Variants in TNK2 observed in about 807,000 individuals in gnomAD.
The protein encoded by TNK2 is tyrosine kinase non receptor 2.
TNK2 carries 83 observed loss-of-function variants against 101.8 expected under a neutral mutation model. The observed-to-expected ratio is 0.82, with a 90% CI of 0.68 to 0.98. The LOEUF is 0.98. TNK2 is among the 50% of genes least tolerant of loss of function. The pLI is 0.00. For missense variants in TNK2, 1,665 were observed against 1,483.2 expected (o/e 1.12, Z -2.01); for synonymous variants, 804 against 633.0 (o/e 1.27, Z -4.06).
At chr3:195,903,191 C>T (rs1317724729) in intron 1 of TNK2, among the ~76,000 whole-genome samples, 1 of 152,110 alleles carries the variant, frequency 6.6e-6, no homozygotes, top group Non-Finnish European at 1.5e-5. Flanking sequence ...CAGGCATGTG[C>T]CACCACACCC....
chr3:195,876,491 C>A, intron 9 of TNK2: 1 of 456,854 alleles, frequency 2.2e-6, no homozygotes, highest in Non-Finnish European at 4.4e-6. Context: ...GCCAAACAAA[C>A]ATGGAGATAT....
At chr3:195,881,535 C>G (rs1350942152) in intron 6 of TNK2, among the ~76,000 whole-genome samples, 1 of 83,692 alleles carries the variant, frequency 1.2e-5, no homozygotes, top group Non-Finnish European at 2.3e-5. Flanking sequence ...CCCTGTAACA[C>G]CCCCCCCAGC....
intron 1 of TNK2, among the ~76,000 whole-genome samples, chr3:195,889,448 A>C (rs1757464645): frequency 6.6e-6 from 1 of 152,122 alleles, no homozygotes; most frequent in Non-Finnish European, 1.5e-5. Flanking sequence ...CCCCAGCTGC[A>C]CAGCCACCCG....
In TNK2 at chr3:195,885,508, T is replaced by G; in HGVS notation, c.235-475A>C. ...TGGCCTGACCATTTGGTGCTGTCTG[T>G]CTCCACCCTCACCAGGGAGTCGGCT... On this transcript the variant is annotated intron_variant, in intron 3 of 15. Coordinates refer to ENST00000672887, the MANE Select transcript of TNK2 (RefSeq NM_001382273.1). This position sits in a 1 kb window ranked among gnomAD's most constrained non-coding sequence, Gnocchi z 4.7. 2 of 1,294,530 alleles carry G rather than the reference T, an allele frequency of 1.5e-6. No homozygotes were observed. The highest frequency in any genetic ancestry group is 2.0e-6 in the Non-Finnish European group (2 of 992,242). The allele number at this position is 1,294,530 out of a possible 1,614,324, so 80.2% of individuals were successfully genotyped here. A position where few individuals can be genotyped will look rare whatever the true frequency, so the allele number is the denominator to read the frequency against.
At position 195,870,034 on chromosome 3, in the gene TNK2, C is replaced by T. The variant is rs756009630; in HGVS notation, c.1543+80G>A. On this transcript the variant is annotated intron_variant, in intron 11 of 15. Transcript: ENST00000672887. ...CTGTCCCCAAAAACAGAACAGCAGCCTTAGGGTGGCCTGTGAAGACAGTGC... is the reference window on the plus strand; with the variant it reads ...CTGTCCCCAAAAACAGAACAGCAGCTTTAGGGTGGCCTGTGAAGACAGTGC... The T allele has an allele frequency of 9.7e-6, 11 of 1,134,352 alleles. No homozygotes were observed. In the Admixed American group the frequency reaches 2.7e-4, roughly 27 times the overall value. 70.3% of individuals were successfully genotyped at this position (1,134,352 alleles called of 1,614,324 possible).
Position 195,867,666 on chromosome 3 carries a change from G to T in TNK2, c.2632C>A (p.Pro878Thr). The part of the protein sequence containing the change: ...KVSSTHYYLL[P>T]ERPSYLERYQ... ...CGCTCCAGGTAGGATGGTCGCTCGG[G>T]CAGCAAGTAATAGTGGGTGCTGCTG... The change falls in exon 13 of 16, where the codon CCC (proline) becomes ACC (threonine). Residue 878 changes from proline (P) to threonine (T), a missense_variant. Transcript: ENST00000672887. 1.2e-6 allele frequency: 2 copies of T among 1,606,598 alleles called. No homozygotes were observed. Among genetic ancestry groups the T allele is most frequent in the South Asian group, 1.1e-5 (1 of 91,014 alleles).
In TNK2 at chr3:195,867,205, G is replaced by A. The variant is rs745414895; in HGVS notation, c.2997C>T (p.His999=). 12 of 1,612,946 alleles carry A rather than the reference G, an allele frequency of 7.4e-6. 1 individual carries two copies. Among genetic ancestry groups the A allele is most frequent in the Admixed American group, 3.3e-5 (2 of 60,004 alleles). Residue 999 remains histidine (H), a synonymous_variant, in exon 14 of 16, where the codon CAC becomes CAT. Coordinates refer to ENST00000672887, the MANE Select transcript of TNK2 (RefSeq NM_001382273.1). Reference sequence around the variant, plus strand: ...GGGCAGCCCTCTGCACGCTCCAGCCGTGGCACTGCAGGGCCGCCTGGCACT... The same window carrying A: ...GGGCAGCCCTCTGCACGCTCCAGCCATGGCACTGCAGGGCCGCCTGGCACT... The part of the protein sequence containing the change: ...TEECQAALQC[H]GWSVQRAAQY...
Position 195,866,912 on chromosome 3 carries a change from G to A in TNK2, c.3138C>T (p.Gly1046=). ...NLEQAGCHLL[G]SWGPAHHKR ...ACTTGTGGTGGGCAGGGCCCCAGGA[G>A]CCCAGAAGGTGGCAGCCGGCCTGCT... Residue 1046 remains glycine, a synonymous_variant, in exon 15 of 16, where the codon GGC becomes GGT. Transcript: ENST00000672887. 1.9e-6 allele frequency: 3 copies of A among 1,611,636 alleles called. No homozygotes were observed.
chr3:195,867,523 C>T lies in TNK2; in HGVS notation c.2775G>A (p.Arg925=). The T allele has an allele frequency of 1.9e-6, 3 of 1,549,058 alleles. No individual in the cohort carries two copies. The highest frequency in any genetic ancestry group is 2.3e-5 in the East Asian group (1 of 43,690). Residue 925 remains arginine (R), a synonymous_variant, in exon 13 of 16, where the codon CGG becomes CGA. Transcript: ENST00000672887. ...GGTCCAAGGCAGCCTGGGGCATCGG[C>T]CGCACGGTGGCCGTGGGGGCGGCGG... ...PAPAAPTATV[R]PMPQAALDPK...
chr3:195,892,795 G>T, intron 1 of TNK2: 1 of 1,150,056 alleles, frequency 8.7e-7, no homozygotes, highest in Non-Finnish European at 1.1e-6. Flanking sequence ...TGCCCGCCCG[G>T]CCGCCCTCCC....
chr3:195,877,412 G>T (rs1172000217), intron 9 of TNK2, among the ~76,000 whole-genome samples: 1 of 152,194 alleles, frequency 6.6e-6, no homozygotes, highest in Non-Finnish European at 1.5e-5. Flanking sequence ...TGCACCGAAG[G>T]CCGCAGACTC....
chr3:195,900,312 C>T (rs991645123), intron 1 of TNK2, among the ~76,000 whole-genome samples: 13 of 152,044 alleles, frequency 8.6e-5, no homozygotes, highest in African/African-American at 3.1e-4. Context: ...GAGGCAGACA[C>T]ACCAGGCAGG....
At chr3:195,870,074 C>G in intron 11 of TNK2, 40 bp downstream of exon 11, 1 of 1,415,552 alleles carries the variant, frequency 7.1e-7, no homozygotes, top group Non-Finnish European at 9.4e-7. Flanking sequence ...TCCTGAGTAG[C>G]CGATGAGTTA....
At chr3:195,902,479 G>T (rs563787412) in intron 1 of TNK2, among the ~76,000 whole-genome samples, 5 of 151,962 alleles carry the variant, frequency 3.3e-5, no homozygotes, top group African/African-American at 4.8e-5. Flanking sequence ...TTAGCCAGGC[G>T]TGGTGGCATG....
In TNK2 at chr3:195,882,515, G is replaced by C. The variant is rs1425515179; in HGVS notation, c.610-187C>G. 1.3e-6 allele frequency: 2 copies of C among 1,535,766 alleles called. No individual in the cohort carries two copies. Among genetic ancestry groups the C allele is most frequent in the Non-Finnish European group, 1.7e-6 (2 of 1,146,052 alleles). ...TCAGGCCTCTCCCTCGAGGCAATTTGGGAAACTGATGCCTAGAGAGAAGGA... is the reference window on the plus strand; with the variant it reads ...TCAGGCCTCTCCCTCGAGGCAATTTCGGAAACTGATGCCTAGAGAGAAGGA... On this transcript the variant is annotated intron_variant, in intron 5 of 15. Transcript: ENST00000672887. This position sits in a 1 kb window ranked among gnomAD's most constrained non-coding sequence, Gnocchi z 4.2.
chr3:195,894,986 G>C (rs189913252), intron 1 of TNK2, among the ~76,000 whole-genome samples: 296 of 152,292 alleles, frequency 1.9e-3, no homozygotes, highest in African/African-American at 6.8e-3. Context: ...AGTACTTCCT[G>C]GACTCCCTTG....
rs1029227230 is a variant in TNK2 at position 195,881,978 on chromosome 3, G to A, written c.887+73C>T. 2.8e-5 allele frequency: 43 copies of A among 1,537,406 alleles called. No individual in the cohort carries two copies. In the Admixed American group the frequency reaches 5.8e-4, roughly 21 times the overall value. On this transcript the variant is annotated intron_variant, in intron 6 of 15. Coordinates refer to ENST00000672887, the MANE Select transcript of TNK2 (RefSeq NM_001382273.1). ...CAAGCAAAACCAGGGGCTGTGGTGG[G>A]TCCAGAAAGCCCCAGAAGCTTTGAG...
At position 195,888,597 on chromosome 3, in the gene TNK2, C is replaced by T; in HGVS notation, c.-9G>A. On this transcript the variant is annotated 5_prime_UTR_variant, in exon 2 of 16. Coordinates refer to ENST00000672887, the MANE Select transcript of TNK2 (RefSeq NM_001382273.1). The surrounding 1 kb of genome is among the most constrained non-coding windows in gnomAD (Gnocchi z 5.3). ...CCCTCCTCTGGCTGCATTCTGCCGC[C>T]TCCCAGCCTCTGTGGGGGGAGGAGT... 1 of 1,608,598 alleles carries T rather than the reference C, an allele frequency of 6.2e-7. No individual in the cohort carries two copies. The highest frequency in any genetic ancestry group is 1.1e-5 in the South Asian group (1 of 90,834).
chr3:195,892,288 C>G (rs1758832259), intron 1 of TNK2: 1 of 1,023,504 alleles, frequency 9.8e-7, no homozygotes, highest in Non-Finnish European at 1.4e-6. Context: ...CCGGACTCCC[C>G]GTCAAGCCCT....
Sources: gnomAD v4.1 joint callset for allele counts (sites outside exome capture counted in the v4.1 genomes callset) on GRCh38, gnomAD v4.1.1 for gene constraint, Gnocchi (gnomAD v3.1) non-coding constraint, MANE v1.5 for transcripts, NCBI Gene and HGNC (gene_info 2026-07-23, HGNC 2026-07-21) for gene names.